ZNF532: variants seen among roughly 807,000 people sequenced by gnomAD.
The protein encoded by ZNF532 is zinc finger protein 532.
In ZNF532, 22 loss-of-function variants were observed where a neutral mutation model predicts 89.3. The observed-to-expected ratio is 0.25, with a 90% CI of 0.18 to 0.35. The LOEUF (loss-of-function observed/expected upper bound fraction) is 0.35. Ranked by LOEUF, ZNF532 falls within the 10% of genes least tolerant of loss-of-function variation. ZNF532 has a pLI of 1.00. For missense variants in ZNF532, 1,132 were observed against 1,643.4 expected (o/e 0.69, Z 5.38); for synonymous variants, 606 against 649.6 (o/e 0.93, Z 1.02).
At chr18:58,882,209 A>C (rs140781757) in intron 2 of ZNF532, among the ~76,000 whole-genome samples, 376 of 152,276 alleles carry the variant, frequency 2.5e-3, no homozygotes, top group Non-Finnish European at 4.3e-3. Flanking sequence ...CTATGGCATG[A>C]AACTTTAGGT....
chr18:58,896,287 A>T (rs2059246291), intron 2 of ZNF532: 1 of 152,128 alleles, frequency 6.6e-6, no homozygotes, highest in Non-Finnish European at 1.5e-5. Flanking sequence ...AGTGAGATGA[A>T]ATATGTTACC....
At chr18:58,927,704 A>G (rs939177232) in intron 3 of ZNF532, among the ~76,000 whole-genome samples, 11 of 151,942 alleles carry the variant, frequency 7.2e-5, no homozygotes, top group African/African-American at 2.4e-4. Flanking sequence ...CTCAAAGTGG[A>G]CGTTTTACTC....
chr18:58,900,849 C>T (rs949270425), intron 2 of ZNF532, among the ~76,000 whole-genome samples: 1 of 152,170 alleles, frequency 6.6e-6, no homozygotes, highest in Non-Finnish European at 1.5e-5. Context: ...CAGAAAGAAA[C>T]CCTGTATCCT....
chr18:58,954,050 A>AC (rs2064498841), intron 7 of ZNF532: 1 of 984,636 alleles, frequency 1.0e-6, no homozygotes, highest in Non-Finnish European at 1.2e-6. Context: ...GTGGTAAGTT[A>AC]CCTATCACAT....
chr18:58,918,473 C>T lies in ZNF532; in HGVS notation c.186C>T (p.Ser62=), dbSNP rs753104260. 1.2e-5 allele frequency: 19 copies of T among 1,613,986 alleles called. No homozygotes were observed. The highest frequency in any genetic ancestry group is 2.2e-5 in the South Asian group (2 of 91,082). The stretch of plus-strand genomic sequence containing the variant: ...CATCATCTTCTGATGTGGGTGTCAG[C>T]GTTATCGTCAAGAATGTTCGGAACA... ...HAPSSSDVGV[S]VIVKNVRNID... The change falls in exon 3 of 10, where the codon AGC becomes AGT. Residue 62 remains serine (S), a synonymous_variant. Coordinates refer to ENST00000591808, the MANE Select transcript of ZNF532 (RefSeq NM_001375912.1).
At chr18:58,936,056 G>T (rs1239739064) in intron 4 of ZNF532, among the ~76,000 whole-genome samples, 1 of 152,308 alleles carries the variant, frequency 6.6e-6, no homozygotes, top group Non-Finnish European at 1.5e-5. Context: ...TATGGATTGA[G>T]ATCTAGCCTG....
intron 2 of ZNF532, among the ~76,000 whole-genome samples, chr18:58,873,090 C>G (rs974062637): frequency 6.6e-5 from 10 of 151,750 alleles, no homozygotes; most frequent in Non-Finnish European, 1.5e-4. Flanking sequence ...TCACTGCAGC[C>G]TTAACCCCCA....
intron 5 of ZNF532, among the ~76,000 whole-genome samples, chr18:58,942,273 T>G (rs908621614): frequency 2.7e-5 from 4 of 147,004 alleles, no homozygotes; most frequent in Non-Finnish European, 6.0e-5. Flanking sequence ...CCGCCCACCT[T>G]GGCCTCCCAA....
intron 2 of ZNF532, among the ~76,000 whole-genome samples, chr18:58,893,764 A>G (rs943525850): frequency 6.6e-6 from 1 of 152,048 alleles, no homozygotes; most frequent in Non-Finnish European, 1.5e-5. Context: ...CTAACTTGTC[A>G]CCTGTGAAAT....
chr18:58,940,958 A>ACACACACACACTCTCT (rs1209329621), intron 5 of ZNF532, among the ~76,000 whole-genome samples: 1 of 131,702 alleles, frequency 7.6e-6, no homozygotes, highest in African/African-American at 2.8e-5. Context: ...ACACACACAC[A>ACACACACACACTCTCT]CTCTTTCTCT....
intron 3 of ZNF532, among the ~76,000 whole-genome samples, 186 bp downstream of exon 3, chr18:58,920,819 C>T (rs981920503): frequency 6.7e-6 from 1 of 149,418 alleles, no homozygotes; most frequent in Non-Finnish European, 1.5e-5. Flanking sequence ...AATGCCTGTG[C>T]AGCCGGGCAC....
intron 7 of ZNF532, among the ~76,000 whole-genome samples, chr18:58,966,037 G>T (rs2065886941): frequency 6.6e-6 from 1 of 152,134 alleles, no homozygotes; most frequent in Non-Finnish European, 1.5e-5. Flanking sequence ...TGGAGAAGTG[G>T]GTAGGACCTG....
rs138736476 is a variant in ZNF532, at chr18:58,892,209, G to T, written c.-17-26062G>T. 6.8e-3 allele frequency among the ~76,000 whole-genome samples: 1,028 copies of T among 152,280 alleles called. 12 individuals are homozygous for T. Among genetic ancestry groups the T allele is most frequent in the African/African-American group, 0.019 (775 of 41,550 alleles). Reference sequence around the variant, plus strand: ...GAAACACAACACTGTGTCTCAAAGGGTTTTTTCTTTTTTGTTTAAGAGTTA... The same window carrying T: ...GAAACACAACACTGTGTCTCAAAGGTTTTTTTCTTTTTTGTTTAAGAGTTA... On this transcript the variant is annotated intron_variant, in intron 2 of 9. Transcript: ENST00000591808.
chr18:58,865,413 A>G (rs2056365501), intron 1 of ZNF532, 28 bp downstream of exon 1: 1 of 152,694 alleles, frequency 6.5e-6, no homozygotes, highest in Non-Finnish European at 1.5e-5. Flanking sequence ...GGAAATGAAC[A>G]TAAATGCATT....
chr18:58,903,212 G>A (rs59629242), intron 2 of ZNF532, among the ~76,000 whole-genome samples: 12,708 of 152,108 alleles, frequency 0.084, 1,026 homozygotes, highest in East Asian at 0.39. Context: ...CTTCATACTT[G>A]GCTAATGGAG....
chr18:58,984,368 G>C lies in ZNF532; in HGVS notation c.3808G>C (p.Ala1270Pro). The C allele has an allele frequency of 6.2e-7, 1 of 1,611,936 alleles. No individual in the cohort carries two copies. The part of the protein sequence containing the change: ...AVSDRKCKVC[A>P]KTFETEAALN... ...GTCAGACAGAAAGTGCAAAGTGTGC[G>C]CAAAAACTTTTGAAACTGAAGCTGC... Residue 1270 changes from alanine (A) to proline (P), a missense_variant, in exon 10 of 10, where the codon GCA (alanine) becomes CCA (proline). Ala to Pro is a conservative substitution (Grantham distance 27, BLOSUM62 -1). Around this residue, in one of 9 missense-constraint regions of ZNF532, gnomAD observed 415 missense variants for 604.8 expected, o/e 0.69. Transcript: ENST00000591808.
At chr18:58,904,619 G>A (rs2059809521) in intron 2 of ZNF532, among the ~76,000 whole-genome samples, 1 of 152,066 alleles carries the variant, frequency 6.6e-6, no homozygotes, top group Non-Finnish European at 1.5e-5. Context: ...CAAATTCTTA[G>A]GAGGGACCTA....
At position 58,922,440 on chromosome 18, in the gene ZNF532, T is replaced by C. The variant is rs532703214; in HGVS notation, c.2346+1807T>C. ...GAAGCAATAAAGAGTTTTGACAGCA[T>C]TCTTGCAGGTTTGAATGTTAAATGT... On this transcript the variant is annotated intron_variant, in intron 3 of 9. Coordinates refer to ENST00000591808, the MANE Select transcript of ZNF532 (RefSeq NM_001375912.1). 3.0e-4 allele frequency among the ~76,000 whole-genome samples: 46 copies of C among 152,322 alleles called. 2 individuals are homozygous for C. In the South Asian group the frequency reaches 9.1e-3, roughly 30 times the overall value.
At chr18:58,887,699 A>C (rs781260632) in intron 2 of ZNF532, among the ~76,000 whole-genome samples, 41 of 152,126 alleles carry the variant, frequency 2.7e-4, no homozygotes, top group Non-Finnish European at 5.6e-4. Flanking sequence ...CCCCACGCTC[A>C]CAGGAGGGAC....
Sources: gnomAD v4.1 joint callset for allele counts (sites outside exome capture counted in the v4.1 genomes callset) on GRCh38, gnomAD v4.1.1 for gene constraint, gnomAD v4.1.1 regional missense constraint, MANE v1.5 for transcripts, NCBI Gene and HGNC (gene_info 2026-07-23, HGNC 2026-07-21) for gene names.